Variants in TTC21B observed in about 807,000 individuals in gnomAD.
The protein encoded by TTC21B is tetratricopeptide repeat protein 21B.
Under a neutral mutation model 175.1 loss-of-function variants are expected in TTC21B, and 127 were observed. The observed-to-expected ratio is 0.73, with a 90% confidence interval of 0.63 to 0.84. TTC21B has a LOEUF of 0.84. Ranked by LOEUF, TTC21B falls within the 40% of genes least tolerant of loss-of-function variation. TTC21B has a pLI of 0.00. For missense variants in TTC21B, 1,561 were observed against 1,558.3 expected, an observed-to-expected ratio of 1.00 and a Z score of -0.03; for synonymous variants, 524 against 524.5, an observed-to-expected ratio of 1.00 and a Z score of 0.01.
chr2:165,945,040 T>C (rs961621070), intron 4 of TTC21B, among the ~76,000 whole-genome samples: 1 of 152,256 alleles, frequency 6.6e-6, no homozygotes, highest in Non-Finnish European at 1.5e-5. Flanking sequence ...CATACTTTAA[T>C]CACATATCTC....
intron 6 of TTC21B, among the ~76,000 whole-genome samples, chr2:165,938,428 C>T (rs149850022): frequency 5.9e-5 from 9 of 152,052 alleles, no homozygotes; most frequent in African/African-American, 1.7e-4. Context: ...GCTGATATCA[C>T]GAAAAGAGAG....
At chr2:165,884,906 C>T (rs1684953487) in intron 25 of TTC21B, among the ~76,000 whole-genome samples, 2 of 152,262 alleles carry the variant, frequency 1.3e-5, no homozygotes, top group South Asian at 4.1e-4. Flanking sequence ...ATAAAGGGGC[C>T]AGGAGGGCAG....
In TTC21B at chr2:165,927,644, A is replaced by G. The variant is rs190042783; in HGVS notation, c.1386+1491T>C. ...CTATAAACATTTGTACATTTGTAGA[A>G]TGAATCCTGAATACTAGATTAATAC... On this transcript the variant is annotated intron_variant, in intron 11 of 28. Transcript: ENST00000243344. 9.7e-4 allele frequency among the ~76,000 whole-genome samples: 147 copies of G among 151,862 alleles called. 1 individual carries two copies. Among genetic ancestry groups the G allele is most frequent in the African/African-American group, 3.3e-3 (138 of 41,422 alleles).
chr2:165,942,920 G>C (rs1687422013), intron 5 of TTC21B, among the ~76,000 whole-genome samples: 1 of 152,184 alleles, frequency 6.6e-6, no homozygotes. Context: ...CTAATATCTA[G>C]AGGGATGCCT....
chr2:165,885,314 G>GA (rs1281044285), intron 25 of TTC21B, among the ~76,000 whole-genome samples: 12 of 152,174 alleles, frequency 7.9e-5, no homozygotes, highest in Admixed American at 7.9e-4. Flanking sequence ...TTGGAAGTAA[G>GA]AAATAACTCT....
chr2:165,876,766 C>T (rs974741179), intron 27 of TTC21B, among the ~76,000 whole-genome samples: 1 of 152,020 alleles, frequency 6.6e-6, no homozygotes, highest in Non-Finnish European at 1.5e-5. Flanking sequence ...CATAAAGAAC[C>T]TGAAGGGTAT....
chr2:165,939,826 T>G (rs552347606), intron 6 of TTC21B, among the ~76,000 whole-genome samples: 2 of 152,282 alleles, frequency 1.3e-5, no homozygotes, highest in East Asian at 1.9e-4. Flanking sequence ...TATCCTCTAG[T>G]GCAAGTAGTG....
intron 6 of TTC21B, chr2:165,934,661 T>C (rs562095667): frequency 2.7e-5 from 4 of 150,422 alleles, no homozygotes; most frequent in African/African-American, 9.7e-5. Context: ...CAAGAGCTTT[T>C]AGCATATGAA....
intron 14 of TTC21B, among the ~76,000 whole-genome samples, chr2:165,916,006 C>T (rs1286685095): frequency 1.3e-5 from 2 of 152,128 alleles, no homozygotes; most frequent in Non-Finnish European, 2.9e-5. Context: ...ACTAGTAAAA[C>T]AGAAATTCTC....
At chr2:165,908,495 C>G (rs760756588) in intron 18 of TTC21B, among the ~76,000 whole-genome samples, 2 of 151,912 alleles carry the variant, frequency 1.3e-5, no homozygotes, top group African/African-American at 4.8e-5. Flanking sequence ...ATAAAAGAAC[C>G]CTAGATAATT....
Position 165,941,077 on chromosome 2 carries a change from T to G in TTC21B, c.660A>C (p.Lys220Asn). Residue 220 changes from lysine (K) to asparagine (N), a missense_variant, in exon 6 of 29, where the codon AAA (lysine) becomes AAC (asparagine). By Grantham distance (94) the Lys-to-Asn change is moderately conservative. Transcript: ENST00000243344. ...SFLPAFVKKM[K>N]LQLALQDWDQ... ...CCCAATCCTGCAAGGCTAGTTGTAA[T>G]TTCATTTTCTTAACAAAAGCAGGAA... 6.2e-7 allele frequency: 1 copy of G among 1,613,960 alleles called. No individual in the cohort carries two copies. Among genetic ancestry groups the G allele is most frequent in the South Asian group, 1.1e-5 (1 of 91,078 alleles).
intron 26 of TTC21B, among the ~76,000 whole-genome samples, chr2:165,882,505 G>T (rs886395488): frequency 6.6e-6 from 1 of 151,908 alleles, no homozygotes; most frequent in Non-Finnish European, 1.5e-5. Flanking sequence ...GCTACTAGAG[G>T]TGTCTTTAAG....
rs1553514802 is a variant in TTC21B at position 165,934,517 on chromosome 2, A to AAAAAAAAAG, written c.711-1461_711-1460insCTTTTTTTT. Among the ~76,000 whole-genome samples, 179 of 116,572 alleles carry AAAAAAAAAG rather than the reference A, an allele frequency of 1.5e-3. 3 individuals carry two copies. The highest frequency in any genetic ancestry group is 5.6e-3 in the African/African-American group (173 of 31,122). 76.5% of individuals were successfully genotyped at this position (116,572 alleles called of 152,430 possible). A position where few individuals can be genotyped will look rare whatever the true frequency, so the allele number is the denominator to read the frequency against. On this transcript the variant is annotated intron_variant, in intron 6 of 28. Coordinates refer to ENST00000243344, the MANE Select transcript of TTC21B (RefSeq NM_024753.5). Reference sequence around the variant, plus strand: ...CTCTGTCTCAAAAAAAAAAAAAAAAAAAAAGAAAAGAAACGAAACATGATG... The same window carrying AAAAAAAAAG: ...CTCTGTCTCAAAAAAAAAAAAAAAAAAAAAAAAAGAAAAGAAAAGAAACGAAACATGATG...
At position 165,928,796 on chromosome 2, in the gene TTC21B, T is replaced by C. The variant is rs536622547; in HGVS notation, c.1386+339A>G. The C allele has an allele frequency of 4.3e-4, 105 of 246,702 alleles. No individual in the cohort carries two copies. The South Asian group carries it at 4.9e-3, about 11-fold the overall frequency. The allele number at this position is 246,702 out of a possible 1,614,324, so 15.3% of individuals were successfully genotyped here. A position where few individuals can be genotyped will look rare whatever the true frequency, so the allele number is the denominator to read the frequency against. The stretch of plus-strand genomic sequence containing the variant: ...ATAGTTATATGACAAGAACTTCATT[T>C]TAGTGTGTCCAGACATGGGATAGAC... On this transcript the variant is annotated intron_variant, in intron 11 of 28. Transcript: ENST00000243344.
At chr2:165,891,302 C>CT (rs1201696990) in intron 22 of TTC21B, among the ~76,000 whole-genome samples, 1 of 152,126 alleles carries the variant, frequency 6.6e-6, no homozygotes, top group Admixed American at 6.6e-5. Context: ...GTAATCTAGA[C>CT]TTTCAACTGT....
intron 3 of TTC21B, among the ~76,000 whole-genome samples, chr2:165,946,152 T>C (rs561014526): frequency 3.0e-4 from 42 of 139,398 alleles, no homozygotes; most frequent in African/African-American, 9.2e-4. Flanking sequence ...GGTGAAACCC[T>C]GTCTCTACTA....
chr2:165,930,044 G>A, intron 9 of TTC21B, 128 bp downstream of exon 9: 2 of 817,688 alleles, frequency 2.4e-6, no homozygotes, highest in Non-Finnish European at 3.9e-6. Flanking sequence ...ACTTTTTCGA[G>A]TGTGGGCAGT....
At position 165,888,332 on chromosome 2, in the gene TTC21B, T is replaced by C. The variant is rs371863532; in HGVS notation, c.3406A>G (p.Lys1136Glu). The change falls in exon 25 of 29, where the codon AAA becomes GAA. Residue 1136 changes from lysine (K) to glutamate (E), a missense_variant. By Grantham distance (56) the Lys-to-Glu change is moderately conservative. Coordinates refer to ENST00000243344, the MANE Select transcript of TTC21B (RefSeq NM_024753.5). ...TTTAATGCTTGTTCAACATTAGATT[T>C]CTGTTTGGTAGCCATTAAGCAATAG... ...ENYCLMATKQ[K>E]SNVEQALNTF... The C allele has an allele frequency of 5.0e-6, 8 of 1,613,834 alleles. No individual in the cohort carries two copies. Among genetic ancestry groups the C allele is most frequent in the Non-Finnish European group, 6.8e-6 (8 of 1,179,870 alleles).
intron 15 of TTC21B, among the ~76,000 whole-genome samples, chr2:165,914,087 C>T (rs1441472687): frequency 1.3e-5 from 2 of 152,232 alleles, no homozygotes; most frequent in East Asian, 3.9e-4. Flanking sequence ...AATACAAAAT[C>T]TTCTATTTCA....
Sources: gnomAD v4.1 joint callset for allele counts (sites outside exome capture counted in the v4.1 genomes callset) on GRCh38, gnomAD v4.1.1 for gene constraint, MANE v1.5 for transcripts, NCBI Gene and HGNC (gene_info 2026-07-23, HGNC 2026-07-21) for gene names.